The following RP1 variants were observed in gnomAD, a reference collection of about 807,000 sequenced individuals.
RP1 encodes RP1 axonemal microtubule associated.
In RP1, 16 loss-of-function variants were observed where a neutral mutation model predicts 14.8. That is an observed-to-expected ratio of 1.08 (90% CI 0.73 to 1.65). RP1 has a LOEUF of 1.65. Among genes scored for constraint, RP1 ranks in the 40% most tolerant of loss-of-function variants. The pLI, the probability that RP1 is intolerant of heterozygous loss-of-function variation, is 0.00. For synonymous variants in RP1, 876 were observed against 883.6 expected (o/e 0.99, Z 0.15); for missense variants, 2,631 against 2,535.0 (o/e 1.04, Z -0.81).
Position 54,626,553 on chromosome 8 carries a change from A to G in RP1, c.2671A>G (p.Arg891Gly), listed in dbSNP as rs1283588275. Residue 891 changes from arginine to glycine, a missense_variant, in exon 4 of 4, where the codon AGG becomes GGG. By Grantham distance (125) the Arg-to-Gly change is moderately radical. Transcript: ENST00000220676. ...TTTAAGTAAACAACATGCTACAACCAGGGCAAATTCTTTAGCTTCTTTGAA... is the reference window on the plus strand; with the variant it reads ...TTTAAGTAAACAACATGCTACAACCGGGGCAAATTCTTTAGCTTCTTTGAA... ...AILSKQHATT[R>G]ANSLASLKKP... 1 of 1,613,776 alleles carries G rather than the reference A, an allele frequency of 6.2e-7. No individual in the cohort carries two copies. Among genetic ancestry groups the G allele is most frequent in the South Asian group, 1.1e-5 (1 of 91,050 alleles).
At chr8:54,786,923 G>C (rs1810331857) in intron 24 of RP1, among the ~76,000 whole-genome samples, 1 of 152,120 alleles carries the variant, frequency 6.6e-6, no homozygotes, top group Non-Finnish European at 1.5e-5. Flanking sequence ...TGGCTCTTGA[G>C]ACATTGGCTA....
chr8:54,597,548 G>GCAATTATTT (rs1805177925), intron 1 of RP1, among the ~76,000 whole-genome samples: 1 of 152,126 alleles, frequency 6.6e-6, no homozygotes, highest in South Asian at 2.1e-4. Flanking sequence ...TTTCTCATTA[G>GCAATTATTT]CAATTATTTC....
intron 17 of RP1, among the ~76,000 whole-genome samples, chr8:54,730,589 G>A (rs1041281166): frequency 3.9e-5 from 6 of 151,982 alleles, no homozygotes; most frequent in African/African-American, 1.4e-4. Flanking sequence ...AAGATCATTA[G>A]GATATTTTAT....
intron 12 of RP1, among the ~76,000 whole-genome samples, chr8:54,691,258 A>T (rs1231618486): frequency 6.6e-6 from 1 of 152,048 alleles, no homozygotes; most frequent in Non-Finnish European, 1.5e-5. Flanking sequence ...AGAAAGAAAA[A>T]TTTGAAGAAT....
chr8:54,824,082 G>A (rs1341712446), intron 24 of RP1, among the ~76,000 whole-genome samples: 3 of 150,882 alleles, frequency 2.0e-5, no homozygotes, highest in African/African-American at 7.3e-5. Context: ...CATCCTCTTT[G>A]GTAAAATATC....
intron 15 of RP1, among the ~76,000 whole-genome samples, chr8:54,708,996 C>T (rs2129345985): frequency 6.6e-6 from 1 of 152,230 alleles, no homozygotes; most frequent in South Asian, 2.1e-4. Context: ...TATTGGCATG[C>T]TCATTCTTCA....
At chr8:54,745,662 C>G (rs1438027983) in intron 19 of RP1, among the ~76,000 whole-genome samples, 1 of 149,810 alleles carries the variant, frequency 6.7e-6, no homozygotes, top group South Asian at 2.1e-4. Flanking sequence ...GATAAAGGCA[C>G]TGCTGTTTCT....
chr8:54,831,744 ATGCTCCTCCTTTTT>A (rs1440101153), intron 24 of RP1, among the ~76,000 whole-genome samples: 1 of 151,786 alleles, frequency 6.6e-6, no homozygotes, highest in Non-Finnish European at 1.5e-5. Context: ...TACTATATCC[ATGCTCCTCCTTTTT>A]TGCTATACAT....
At chr8:54,755,044 A>G in intron 20 of RP1, 1 of 1,223,974 alleles carries the variant, frequency 8.2e-7, no homozygotes, top group Non-Finnish European at 1.1e-6. Context: ...TGCTTCTAAG[A>G]GAGTTGTTTT....
intron 14 of RP1, among the ~76,000 whole-genome samples, chr8:54,705,331 T>C (rs944853028): frequency 3.9e-5 from 6 of 152,232 alleles, no homozygotes; most frequent in African/African-American, 1.4e-4. Context: ...AAACATGGAA[T>C]GTGCACTGGT....
chr8:54,803,982 C>A (rs1483865185), intron 24 of RP1, among the ~76,000 whole-genome samples: 2 of 151,964 alleles, frequency 1.3e-5, no homozygotes, highest in Non-Finnish European at 2.9e-5. Context: ...GCAGGAGGAT[C>A]GCTTGAACCC....
At chr8:54,858,985 T>C (rs1401035060) in intron 27 of RP1, among the ~76,000 whole-genome samples, 1 of 151,892 alleles carries the variant, frequency 6.6e-6, no homozygotes, top group Non-Finnish European at 1.5e-5. Flanking sequence ...GCAGTGTCAC[T>C]GTAGACTATG....
intron 1 of RP1, among the ~76,000 whole-genome samples, chr8:54,564,001 CT>C (rs1369949558): frequency 2.0e-5 from 3 of 152,180 alleles, no homozygotes. Flanking sequence ...ATCCCAGGAG[CT>C]ATTTCAAGTT....
chr8:54,758,936 A>G, exon 22 of RP1: 1 of 1,535,730 alleles, frequency 6.5e-7, no homozygotes, highest in Non-Finnish European at 8.7e-7. Flanking sequence ...ATAAATTTCA[A>G]GTAGCAGCAG....
intron 3 of RP1, among the ~76,000 whole-genome samples, chr8:54,643,456 A>G (rs1441471169): frequency 1.3e-5 from 2 of 152,186 alleles, no homozygotes; most frequent in Admixed American, 1.3e-4. Flanking sequence ...ATCATAAAGT[A>G]TATACTCCTC....
chr8:54,785,696 A>C (rs571106877), intron 24 of RP1, among the ~76,000 whole-genome samples: 1 of 152,004 alleles, frequency 6.6e-6, no homozygotes, highest in Non-Finnish European at 1.5e-5. Context: ...TTGACATTCG[A>C]TATTATCTGT....
intron 26 of RP1, chr8:54,852,877 T>C (rs1448932207): frequency 1.9e-6 from 1 of 530,438 alleles, no homozygotes; most frequent in Non-Finnish European, 2.9e-6. Context: ...AGTGTGCATG[T>C]TATTGTTCTG....
intron 24 of RP1, among the ~76,000 whole-genome samples, chr8:54,796,447 A>G (rs1257027528): frequency 6.6e-6 from 1 of 152,218 alleles, no homozygotes; most frequent in Non-Finnish European, 1.5e-5. Context: ...ACCTGTGAAT[A>G]TGACCTTATT....
At chr8:54,639,789 A>T (rs2129322048) in intron 3 of RP1, among the ~76,000 whole-genome samples, 1 of 152,318 alleles carries the variant, frequency 6.6e-6, no homozygotes, top group African/African-American at 2.4e-5. Context: ...GGTACAATAT[A>T]TTCACTTGAT....
Sources: allele counts gnomAD v4.1 joint callset (sites outside exome capture counted in the v4.1 genomes callset), GRCh38; gene constraint gnomAD v4.1.1; transcripts MANE v1.5; gene names NCBI Gene and HGNC (gene_info 2026-07-23, HGNC 2026-07-21).